Variants in PODXL2 observed in about 807,000 individuals in gnomAD.
PODXL2 encodes podocalyxin-like protein 2.
PODXL2 carries 17 observed loss-of-function variants against 53.4 expected under a neutral mutation model. The ratio of observed to expected loss-of-function variants is 0.32; its 90% confidence interval spans 0.22 to 0.48. The LOEUF is 0.48. PODXL2 is among the 20% of genes least tolerant of loss of function. The pLI is 0.99. For synonymous variants in PODXL2, 311 were observed against 306.7 expected (o/e 1.01, Z -0.15); for missense variants, 673 against 760.0 (o/e 0.89, Z 1.35).
intron 4 of PODXL2, among the ~76,000 whole-genome samples, chr3:127,667,121 C>T (rs996851265): frequency 2.0e-5 from 3 of 152,272 alleles, no homozygotes; most frequent in African/African-American, 7.2e-5. Context: ...TCTTCTCCCA[C>T]ATTTAAAACT....
At chr3:127,642,748 A>G (rs1024756308) in intron 2 of PODXL2, among the ~76,000 whole-genome samples, 1 of 152,244 alleles carries the variant, frequency 6.6e-6, no homozygotes, top group Admixed American at 6.5e-5. Flanking sequence ...TAGAATATAC[A>G]TATACACAAA....
chr3:127,650,604 T>C (rs1576430413), intron 2 of PODXL2, among the ~76,000 whole-genome samples: 1 of 152,318 alleles, frequency 6.6e-6, no homozygotes, highest in Middle Eastern at 3.4e-3. Context: ...ATATTTACTG[T>C]GTACCCCCTG....
intron 4 of PODXL2, 78 bp downstream of exon 4, chr3:127,662,389 G>A: frequency 8.7e-7 from 1 of 1,147,966 alleles, no homozygotes; most frequent in Non-Finnish European, 1.3e-6. Flanking sequence ...GCAGGCTGGG[G>A]GGACAAGCAG....
intron 4 of PODXL2, 82 bp downstream of exon 4, chr3:127,662,393 C>A (rs2074773606): frequency 9.3e-7 from 1 of 1,077,868 alleles, no homozygotes; most frequent in Non-Finnish European, 1.4e-6. Context: ...GCTGGGGGGA[C>A]AAGCAGTGCG....
rs148829546 is a variant in PODXL2 at position 127,659,969 on chromosome 3, C to T, written c.350-409C>T. On this transcript the variant is annotated intron_variant, in intron 2 of 7. Coordinates refer to ENST00000342480, the MANE Select transcript of PODXL2 (RefSeq NM_015720.4). ...GACTCCACCAAGAAGACTCTTATAA[C>T]GACTCACTAGAAAAGGAGTAGGGGG... is the stretch of plus-strand genomic sequence containing the variant. 9.8e-5 allele frequency among the ~76,000 whole-genome samples: 15 copies of T among 152,340 alleles called. No individual in the cohort carries two copies. In the East Asian group the frequency reaches 2.5e-3, roughly 25 times the overall value.
intron 4 of PODXL2, among the ~76,000 whole-genome samples, chr3:127,667,260 C>T (rs992987521): frequency 6.6e-6 from 1 of 152,240 alleles, no homozygotes; most frequent in African/African-American, 2.4e-5. Context: ...ATGACAACTA[C>T]GGAACAGCTC....
chr3:127,652,481 C>T (rs2074696343), intron 2 of PODXL2, among the ~76,000 whole-genome samples: 2 of 152,128 alleles, frequency 1.3e-5, no homozygotes, highest in Admixed American at 6.5e-5. Context: ...GGGGTCTGCC[C>T]CAGGTGTCTT....
At chr3:127,656,074 TG>T (rs970849027) in intron 2 of PODXL2, among the ~76,000 whole-genome samples, 3 of 152,232 alleles carry the variant, frequency 2.0e-5, no homozygotes, top group Non-Finnish European at 4.4e-5. Flanking sequence ...CCAGGCACTA[TG>T]TTAGGTGCTG....
At chr3:127,655,056 C>T (rs2074713536) in intron 2 of PODXL2, among the ~76,000 whole-genome samples, 1 of 152,158 alleles carries the variant, frequency 6.6e-6, no homozygotes, top group Non-Finnish European at 1.5e-5. Flanking sequence ...GACTCTCATG[C>T]CTCAGCCTCC....
intron 1 of PODXL2, among the ~76,000 whole-genome samples, chr3:127,636,648 C>T (rs2074579871): frequency 6.6e-6 from 1 of 152,198 alleles, no homozygotes; most frequent in East Asian, 1.9e-4. Flanking sequence ...AATCTTTGTC[C>T]GTGGACATGG....
intron 1 of PODXL2, among the ~76,000 whole-genome samples, chr3:127,631,452 CCTT>C (rs1414344691): frequency 6.6e-6 from 1 of 152,144 alleles, no homozygotes; most frequent in African/African-American, 2.4e-5. Context: ...TCCTTTGCCT[CCTT>C]CTGTGTTTGT....
chr3:127,643,183 A>G (rs2074632324), intron 2 of PODXL2, among the ~76,000 whole-genome samples: 1 of 152,196 alleles, frequency 6.6e-6, no homozygotes, highest in Non-Finnish European at 1.5e-5. Context: ...TTTGGCATAA[A>G]GAAATTAAAT....
Position 127,639,541 on chromosome 3 carries a change from C to T in PODXL2, c.349+18C>T. ...CACTGCAGGTAGCTCTTCTTACCTA[C>T]AGAGCATGTGTTGAGTGCCAGCCAA... is the stretch of plus-strand genomic sequence containing the variant. On this transcript the variant is annotated intron_variant, in intron 2 of 7. Coordinates refer to ENST00000342480, the MANE Select transcript of PODXL2 (RefSeq NM_015720.4). The T allele has an allele frequency of 6.3e-7, 1 of 1,597,388 alleles. No individual in the cohort carries two copies. The highest frequency in any genetic ancestry group is 8.5e-7 in the Non-Finnish European group (1 of 1,171,076).
intron 4 of PODXL2, 109 bp from the exon 5 acceptor site, chr3:127,668,330 CTT>C: frequency 9.7e-7 from 1 of 1,027,044 alleles, no homozygotes; most frequent in Non-Finnish European, 1.3e-6. Context: ...AGCTGCCTCT[CTT>C]GGAACAGCCA....
intron 1 of PODXL2, among the ~76,000 whole-genome samples, chr3:127,637,304 A>G (rs892180884): frequency 6.6e-6 from 1 of 152,024 alleles, no homozygotes; most frequent in East Asian, 1.9e-4. Flanking sequence ...ATGTAGAATC[A>G]CTCTGATATT....
At chr3:127,643,529 G>C (rs541526790) in intron 2 of PODXL2, among the ~76,000 whole-genome samples, 69 of 152,012 alleles carry the variant, frequency 4.5e-4, no homozygotes, top group Non-Finnish European at 7.5e-4. Context: ...CTTTTAAAAT[G>C]TTTTTATGTG....
chr3:127,650,276 G>A (rs867411772), intron 2 of PODXL2, among the ~76,000 whole-genome samples: 10 of 152,194 alleles, frequency 6.6e-5, no homozygotes, highest in Non-Finnish European at 1.5e-4. Flanking sequence ...ATAAACTGGG[G>A]AAAGAAACCT....
intron 2 of PODXL2, among the ~76,000 whole-genome samples, chr3:127,656,130 T>G (rs1453078158): frequency 6.6e-6 from 1 of 152,240 alleles, no homozygotes; most frequent in African/African-American, 2.4e-5. Context: ...CATCAAAAAT[T>G]TGTAATCTAG....
chr3:127,670,413 G>A (rs142488139), intron 6 of PODXL2, among the ~76,000 whole-genome samples: 21 of 152,208 alleles, frequency 1.4e-4, no homozygotes, highest in African/African-American at 4.1e-4. Flanking sequence ...GGCTGCTGGT[G>A]GAAGTGTGGG....
Sources: gnomAD v4.1 joint callset for allele counts (sites outside exome capture counted in the v4.1 genomes callset) on GRCh38, gnomAD v4.1.1 for gene constraint, MANE v1.5 for transcripts, NCBI Gene and HGNC (gene_info 2026-07-23, HGNC 2026-07-21) for gene names.